EPHB1: variants seen among roughly 807,000 people sequenced by gnomAD.
EPHB1 encodes EPH receptor B1, also known as ephrin type-B receptor 1.
In EPHB1, 30 loss-of-function variants were observed where a neutral mutation model predicts 94.4. The ratio of observed to expected loss-of-function variants is 0.32; its 90% CI spans 0.24 to 0.43. EPHB1 has a LOEUF of 0.43. Among genes scored for constraint, EPHB1 ranks in the 20% least tolerant of loss-of-function variants. The probability of loss-of-function intolerance (pLI) is 1.00; values close to 1 mark genes in which losing one functional copy is unlikely to be tolerated. For synonymous variants in EPHB1, 522 were observed against 489.1 expected (o/e 1.07, Z -0.89); for missense variants, 1,055 against 1,308.3 (o/e 0.81, Z 2.99).
chr3:134,893,578 A>T (rs889395926), intron 1 of EPHB1, among the ~76,000 whole-genome samples: 3 of 152,076 alleles, frequency 2.0e-5, no homozygotes, highest in African/African-American at 7.2e-5. Context: ...AGGGCTCTGG[A>T]CTTGCCCTTG....
intron 12 of EPHB1, among the ~76,000 whole-genome samples, chr3:135,202,427 G>A (rs1277551828): frequency 1.3e-5 from 2 of 150,010 alleles, no homozygotes; most frequent in African/African-American, 4.9e-5. Context: ...CCCCCATAGG[G>A]TACCAAAAAA....
Position 135,064,134 on chromosome 3 carries a change from C to A in EPHB1, c.806-42314C>A, listed in dbSNP as rs545013130. Reference sequence around the variant, plus strand: ...AGAATTTTAGCATGTATGTTCATCACGGATATTAATCTGTAGTTTTCTTAT... The same window carrying A: ...AGAATTTTAGCATGTATGTTCATCAAGGATATTAATCTGTAGTTTTCTTAT... On this transcript the variant is annotated intron_variant, in intron 3 of 15. Coordinates refer to ENST00000398015, the MANE Select transcript of EPHB1 (RefSeq NM_004441.5). Among the ~76,000 whole-genome samples, 380 of 151,990 alleles carry A rather than the reference C, an allele frequency of 2.5e-3. 2 individuals are homozygous for A. The highest frequency in any genetic ancestry group is 3.8e-3 in the Non-Finnish European group (261 of 67,894).
intron 13 of EPHB1, among the ~76,000 whole-genome samples, chr3:135,242,374 C>G (rs1295131813): frequency 6.6e-6 from 1 of 152,178 alleles, no homozygotes; most frequent in Admixed American, 6.5e-5. Flanking sequence ...CCCCTCTGTG[C>G]TAGGGTGGAC....
At chr3:134,940,873 T>C (rs892269249) in intron 2 of EPHB1, among the ~76,000 whole-genome samples, 1 of 152,260 alleles carries the variant, frequency 6.6e-6, no homozygotes, top group Non-Finnish European at 1.5e-5. Context: ...AGAATGTTGC[T>C]TGGGGCTGCT....
intron 3 of EPHB1, among the ~76,000 whole-genome samples, chr3:135,008,371 G>C (rs1258790588): frequency 6.6e-6 from 1 of 152,172 alleles, no homozygotes; most frequent in African/African-American, 2.4e-5. Context: ...CACAGAGAAA[G>C]GTTAAATAGT....
At chr3:134,819,063 A>T (rs2036329160) in intron 1 of EPHB1, among the ~76,000 whole-genome samples, 2 of 152,212 alleles carry the variant, frequency 1.3e-5, no homozygotes, top group South Asian at 4.1e-4. Context: ...TTATGAGTGA[A>T]GGGGGCCGTT....
intron 3 of EPHB1, among the ~76,000 whole-genome samples, chr3:135,094,990 A>C (rs192767466): frequency 8.6e-4 from 131 of 152,312 alleles, no homozygotes; most frequent in African/African-American, 3.1e-3. Flanking sequence ...TCTGCAGGCC[A>C]GCGGTCAAGG....
chr3:135,181,710 A>G (rs960747232), intron 10 of EPHB1, among the ~76,000 whole-genome samples: 12 of 151,718 alleles, frequency 7.9e-5, no homozygotes, highest in Admixed American at 7.9e-4. Flanking sequence ...AGGAGTAAAG[A>G]GCTTTCTCAC....
intron 3 of EPHB1, among the ~76,000 whole-genome samples, chr3:135,047,646 C>T (rs551479815): frequency 2.6e-5 from 4 of 152,294 alleles, no homozygotes; most frequent in South Asian, 2.1e-4. Flanking sequence ...TCATCTACTC[C>T]GTTTATTCAT....
intron 3 of EPHB1, among the ~76,000 whole-genome samples, chr3:135,024,340 G>C (rs1936074428): frequency 6.6e-6 from 1 of 152,190 alleles, no homozygotes; most frequent in East Asian, 1.9e-4. Context: ...CTGTTGGGTG[G>C]AATGAAAACA....
chr3:134,943,539 TTTTGGCC>T (rs1459622682), intron 2 of EPHB1, among the ~76,000 whole-genome samples: 4 of 151,908 alleles, frequency 2.6e-5, no homozygotes, highest in African/African-American at 9.7e-5. Context: ...TGGGGAGCAT[TTTTGGCC>T]TTTTGAATAC....
chr3:135,223,195 A>G (rs1943314045), intron 12 of EPHB1, among the ~76,000 whole-genome samples: 1 of 152,164 alleles, frequency 6.6e-6, no homozygotes, highest in Non-Finnish European at 1.5e-5. Context: ...AGGCTCACCC[A>G]TTATATATGA....
intron 3 of EPHB1, among the ~76,000 whole-genome samples, chr3:135,086,230 T>G (rs190989160): frequency 1.3e-5 from 2 of 150,816 alleles, no homozygotes; most frequent in Non-Finnish European, 2.9e-5. Flanking sequence ...GAATCCAGAA[T>G]CAGCCAGGCC....
intron 5 of EPHB1, among the ~76,000 whole-genome samples, chr3:135,142,844 G>T (rs1407285878): frequency 1.3e-5 from 2 of 152,146 alleles, no homozygotes; most frequent in Non-Finnish European, 2.9e-5. Context: ...TCCGATGAAT[G>T]GGGGCGTGAC....
Position 135,029,874 on chromosome 3 carries a change from A to C in EPHB1, c.806-76574A>C, listed in dbSNP as rs1936355308. Among the ~76,000 whole-genome samples the C allele has an allele frequency of 1.3e-5, 2 of 151,670 alleles. 1 individual carries two copies. The highest frequency in any genetic ancestry group is 4.2e-4 in the South Asian group (2 of 4,800). Reference sequence around the variant, plus strand: ...TTTCAGGTATACCAATCAGAGGTAGATTTTGTCTTTTCACATAGTCCCATA... The same window carrying C: ...TTTCAGGTATACCAATCAGAGGTAGCTTTTGTCTTTTCACATAGTCCCATA... On this transcript the variant is annotated intron_variant, in intron 3 of 15. Coordinates refer to ENST00000398015, the MANE Select transcript of EPHB1 (RefSeq NM_004441.5).
At chr3:134,802,191 C>A (rs2035947067) in intron 1 of EPHB1, among the ~76,000 whole-genome samples, 2 of 151,728 alleles carry the variant, frequency 1.3e-5, no homozygotes, top group Non-Finnish European at 2.9e-5. Context: ...AATCCCAGCA[C>A]TTTGGGAGGC....
chr3:134,850,198 A>G (rs2036952547), intron 1 of EPHB1, among the ~76,000 whole-genome samples: 1 of 152,232 alleles, frequency 6.6e-6, no homozygotes, highest in Admixed American at 6.5e-5. Flanking sequence ...CTTTCTTAAA[A>G]GGCCTCTTTC....
intron 4 of EPHB1, among the ~76,000 whole-genome samples, chr3:135,120,874 A>AG (rs1939930604): frequency 6.6e-6 from 1 of 152,194 alleles, no homozygotes. Flanking sequence ...TGTGTCATCT[A>AG]GGAAGGGGGC....
At chr3:135,031,729 T>G (rs1387625351) in intron 3 of EPHB1, among the ~76,000 whole-genome samples, 1 of 152,224 alleles carries the variant, frequency 6.6e-6, no homozygotes, top group Non-Finnish European at 1.5e-5. Context: ...TTCCAAATGC[T>G]CAGATAGTTC....
Sources: allele counts gnomAD v4.1 joint callset (sites outside exome capture counted in the v4.1 genomes callset), GRCh38; gene constraint gnomAD v4.1.1; transcripts MANE v1.5; gene names NCBI Gene and HGNC (gene_info 2026-07-23, HGNC 2026-07-21).